COBL: variants seen among roughly 807,000 people sequenced by gnomAD.
The protein encoded by COBL is protein cordon-bleu.
In COBL, 51 loss-of-function variants were observed where a neutral mutation model predicts 98.8. The observed-to-expected ratio is 0.52, with a 90% CI of 0.41 to 0.65. The LOEUF is 0.65. Ranked by LOEUF, COBL falls within the 30% of genes least tolerant of loss-of-function variation. The probability of loss-of-function intolerance (pLI) is 0.00; values close to 1 mark genes in which losing one functional copy is unlikely to be tolerated. For missense variants in COBL, 1,617 were observed against 1,617.5 expected (o/e 1.00, Z 0.01); for synonymous variants, 634 against 651.7 (o/e 0.97, Z 0.41).
chr7:51,029,600 A>C lies in COBL; in HGVS notation c.1505-9T>G. ...ATAGCTGTCTTCCATTTCTGCAAAG[A>C]GGGACAAACACAAATCACAGATGTT... On this transcript the variant is annotated splice_polypyrimidine_tract_variant and intron_variant, in intron 9 of 12. Transcript: ENST00000265136. The C allele has an allele frequency of 6.3e-7, 1 of 1,577,712 alleles. No individual in the cohort carries two copies.
chr7:51,268,436 C>T (rs1172153185), intron 1 of COBL, among the ~76,000 whole-genome samples: 2 of 152,162 alleles, frequency 1.3e-5, no homozygotes, highest in Non-Finnish European at 2.9e-5. Context: ...CCACTGGACA[C>T]TTAATTCCTC....
intron 1 of COBL, among the ~76,000 whole-genome samples, chr7:51,227,297 C>T (rs1054686513): frequency 3.9e-5 from 6 of 152,068 alleles, no homozygotes; most frequent in Non-Finnish European, 7.4e-5. Context: ...CTCAGATGGA[C>T]GCATGGGGAC....
intron 5 of COBL, among the ~76,000 whole-genome samples, chr7:51,148,790 CG>C: frequency 6.6e-6 from 1 of 152,220 alleles, no homozygotes. Flanking sequence ...GTGCTGGCAG[CG>C]GGGGCTGTAG....
At chr7:51,133,699 G>T (rs934673813) in intron 6 of COBL, among the ~76,000 whole-genome samples, 1 of 152,164 alleles carries the variant, frequency 6.6e-6, no homozygotes, top group Non-Finnish European at 1.5e-5. Context: ...ACAGTACTGT[G>T]GGAAGAGCCA....
At chr7:51,203,331 G>A (rs1486351665) in intron 2 of COBL, among the ~76,000 whole-genome samples, 4 of 133,480 alleles carry the variant, frequency 3.0e-5, no homozygotes, top group East Asian at 4.2e-4. Flanking sequence ...GTGTAGTGGC[G>A]GGCGCCTGTA....
At chr7:51,050,872 G>A (rs1790168045) in intron 7 of COBL, among the ~76,000 whole-genome samples, 1 of 152,134 alleles carries the variant, frequency 6.6e-6, no homozygotes, top group Non-Finnish European at 1.5e-5. Flanking sequence ...TGAGAACTGA[G>A]GAGTCTTGTC....
At chr7:51,231,648 C>T (rs1363939300) in intron 1 of COBL, among the ~76,000 whole-genome samples, 2 of 152,192 alleles carry the variant, frequency 1.3e-5, no homozygotes, top group African/African-American at 4.8e-5. Flanking sequence ...GAAGGTGGTT[C>T]CTGGAAGCAG....
intron 6 of COBL, among the ~76,000 whole-genome samples, chr7:51,127,460 C>T (rs889429155): frequency 1.7e-4 from 26 of 152,164 alleles, no homozygotes; most frequent in African/African-American, 5.6e-4. Flanking sequence ...CAGGGACAGA[C>T]GCAACTGGGG....
At chr7:51,190,068 G>T (rs1789946407) in intron 4 of COBL, among the ~76,000 whole-genome samples, 1 of 152,206 alleles carries the variant, frequency 6.6e-6, no homozygotes, top group Non-Finnish European at 1.5e-5. Flanking sequence ...TGGCCCTAAA[G>T]TTATCTTCAG....
chr7:51,047,457 G>C (rs1321080812), intron 7 of COBL, among the ~76,000 whole-genome samples: 1 of 152,114 alleles, frequency 6.6e-6, no homozygotes, highest in African/African-American at 2.4e-5. Context: ...TTCTCAGTTC[G>C]GTACTAGTTT....
chr7:51,076,673 A>G (rs1365882474), intron 7 of COBL, among the ~76,000 whole-genome samples: 2 of 152,192 alleles, frequency 1.3e-5, no homozygotes, highest in Non-Finnish European at 2.9e-5. Context: ...TTGGTCACAA[A>G]TTTAAAATCA....
chr7:51,181,667 T>C (rs1260317073), intron 5 of COBL, among the ~76,000 whole-genome samples: 5 of 152,252 alleles, frequency 3.3e-5, no homozygotes, highest in Admixed American at 1.3e-4. Flanking sequence ...TATATTAATT[T>C]TGAGTCAGTT....
chr7:51,167,045 T>C (rs962057522), intron 5 of COBL, among the ~76,000 whole-genome samples: 1 of 152,068 alleles, frequency 6.6e-6, no homozygotes, highest in East Asian at 1.9e-4. Context: ...ATCTGGAACA[T>C]GACAAGGATG....
rs1472751919 is a variant in COBL at position 51,219,691 on chromosome 7, T to C, written c.245+50A>G. On this transcript the variant is annotated intron_variant, in intron 2 of 12. Transcript: ENST00000265136. ...ACATCCGCCTTTCCATTCTCCCCGC[T>C]ATACTCGCAAAGTGAGTACAGCGAC... is the stretch of plus-strand genomic sequence containing the variant. 8.2e-6 allele frequency: 13 copies of C among 1,578,088 alleles called. No individual in the cohort carries two copies. The Admixed American group carries it at 2.3e-4, about 27-fold the overall frequency.
At chr7:51,224,120 A>G (rs909552974) in intron 1 of COBL, among the ~76,000 whole-genome samples, 1 of 152,228 alleles carries the variant, frequency 6.6e-6, no homozygotes, top group African/African-American at 2.4e-5. Flanking sequence ...AATAGGCTAC[A>G]GCATACAGCT....
intron 1 of COBL, among the ~76,000 whole-genome samples, chr7:51,248,104 ACT>A (rs1434261707): frequency 1.3e-5 from 2 of 152,124 alleles, no homozygotes; most frequent in African/African-American, 2.4e-5. Flanking sequence ...ACGCCACTAC[ACT>A]CAAGCCCAGG....
At chr7:51,149,776 T>C (rs1038331638) in intron 5 of COBL, among the ~76,000 whole-genome samples, 1 of 152,150 alleles carries the variant, frequency 6.6e-6, no homozygotes, top group African/African-American at 2.4e-5. Context: ...TGGCTAATTA[T>C]TGTATTCTTC....
intron 2 of COBL, among the ~76,000 whole-genome samples, chr7:51,209,046 T>TAAAAAAAAAAAA (rs572689062): frequency 2.3e-5 from 1 of 43,426 alleles, no homozygotes; most frequent in African/African-American, 8.1e-5. Flanking sequence ...AATGATCAAT[T>TAAAAAAAAAAAA]AAAAAAAAAA....
rs142332711 is a variant in COBL at position 51,136,304 on chromosome 7, A to T, written c.811T>A (p.Ser271Thr). ...KGCLTTPNSP[S>T]MHSRSLTLGP... The stretch of plus-strand genomic sequence containing the variant: ...AGCGTAAGAGAACGTGAGTGCATGG[A>T]TGGGGAGTTGGGGGTCGTTAAACAG... Residue 271 changes from serine to threonine, a missense_variant, in exon 6 of 13, where the codon TCC (serine) becomes ACC (threonine). By Grantham distance (58) the Ser-to-Thr change is moderately conservative. Transcript: ENST00000265136. 7 of 1,613,810 alleles carry T rather than the reference A, an allele frequency of 4.3e-6. No individual in the cohort carries two copies. In the East Asian group the frequency reaches 1.3e-4, roughly 31 times the overall value.
Sources: gnomAD v4.1 joint callset for allele counts (sites outside exome capture counted in the v4.1 genomes callset) on GRCh38, gnomAD v4.1.1 for gene constraint, MANE v1.5 for transcripts, NCBI Gene and HGNC (gene_info 2026-07-23, HGNC 2026-07-21) for gene names.